Variants in CLVS1 observed in about 807,000 individuals in gnomAD.
CLVS1 encodes the protein clavesin 1, also known as clavesin-1.
In CLVS1, 10 loss-of-function variants were observed where a neutral mutation model predicts 33.1. That is an observed-to-expected ratio of 0.30 (90% confidence interval 0.19 to 0.51). The LOEUF (loss-of-function observed/expected upper bound fraction) is 0.51, where lower values mean the gene tolerates loss of function less well. Ranked by LOEUF, CLVS1 falls within the 20% of genes least tolerant of loss-of-function variation. The pLI is 0.97. For missense variants in CLVS1, 343 were observed against 433.4 expected (o/e 0.79, Z 1.85); for synonymous variants, 163 against 166.1 (o/e 0.98, Z 0.14).
intron 1 of CLVS1, among the ~76,000 whole-genome samples, chr8:61,096,065 A>G (rs1257321484): frequency 1.3e-5 from 2 of 152,254 alleles, no homozygotes; most frequent in African/African-American, 4.8e-5. Flanking sequence ...GACCTTGAGT[A>G]TAATCAATAG....
At chr8:61,015,908 G>A in the CLVS1 span, among the ~76,000 whole-genome samples, 2 of 152,168 alleles carry the variant, frequency 1.3e-5, no homozygotes, top group South Asian at 2.1e-4. Flanking sequence ...ACTGGCCTGA[G>A]TATGATTAGA....
At chr8:61,205,068 A>G (rs982100658) in intron 2 of CLVS1, among the ~76,000 whole-genome samples, 1 of 152,256 alleles carries the variant, frequency 6.6e-6, no homozygotes, top group Non-Finnish European at 1.5e-5. Flanking sequence ...ATACATCACA[A>G]GGGAATTCAT....
chr8:61,142,420 T>A (rs750805730), intron 2 of CLVS1, among the ~76,000 whole-genome samples: 1 of 152,196 alleles, frequency 6.6e-6, no homozygotes, highest in Non-Finnish European at 1.5e-5. Context: ...TAGTTCTTTA[T>A]AGCAATGTGA....
chr8:61,417,778 C>A (rs1260610435), intron 3 of CLVS1, among the ~76,000 whole-genome samples: 2 of 152,240 alleles, frequency 1.3e-5, no homozygotes, highest in East Asian at 1.9e-4. Context: ...GGTGCTGTGG[C>A]CTGAGAGCCA....
At chr8:61,336,116 T>C (rs1326714068) in intron 2 of CLVS1, among the ~76,000 whole-genome samples, 1 of 152,096 alleles carries the variant, frequency 6.6e-6, no homozygotes, top group African/African-American at 2.4e-5. Flanking sequence ...CTAACCTGGG[T>C]TGGGAAACTG....
intron 3 of CLVS1, among the ~76,000 whole-genome samples, chr8:61,445,665 G>T (rs1816734173): frequency 1.3e-5 from 2 of 152,096 alleles, no homozygotes; most frequent in Non-Finnish European, 2.9e-5. Flanking sequence ...TAAGACAAAG[G>T]TAATACTAGC....
chr8:61,156,283 C>A (rs1382498228), intron 2 of CLVS1, among the ~76,000 whole-genome samples: 3 of 151,028 alleles, frequency 2.0e-5, no homozygotes, highest in Admixed American at 2.0e-4. Flanking sequence ...TGGGTCTCCA[C>A]CTCCCCCGAG....
intron 3 of CLVS1, among the ~76,000 whole-genome samples, chr8:61,398,482 TAA>T (rs1193458973): frequency 1.3e-5 from 2 of 152,118 alleles, no homozygotes; most frequent in Admixed American, 6.6e-5. Flanking sequence ...ATGCCCAGCC[TAA>T]GTCTTGCATT....
At chr8:61,391,443 A>G (rs1814301535) in intron 3 of CLVS1, among the ~76,000 whole-genome samples, 1 of 152,212 alleles carries the variant, frequency 6.6e-6, no homozygotes, top group African/African-American at 2.4e-5. Context: ...AGCCAGACAC[A>G]GGGGTAGTTG....
chr8:61,471,603 G>T (rs1012776210), intron 5 of CLVS1, among the ~76,000 whole-genome samples: 1 of 152,136 alleles, frequency 6.6e-6, no homozygotes, highest in Admixed American at 6.5e-5. Context: ...GGCCAAGCAC[G>T]TTGGGAGCGG....
chr8:61,202,567 A>G, intron 2 of CLVS1: 1 of 1,238,742 alleles, frequency 8.1e-7, no homozygotes, highest in East Asian at 2.3e-5. Flanking sequence ...CAGCCCAATT[A>G]AAGTAACACT....
intron 1 of CLVS1, among the ~76,000 whole-genome samples, chr8:61,110,022 A>G (rs897128893): frequency 6.6e-6 from 1 of 152,210 alleles, no homozygotes; most frequent in Non-Finnish European, 1.5e-5. Flanking sequence ...CTAAGACATT[A>G]GCCTCACTTC....
intron 2 of CLVS1, among the ~76,000 whole-genome samples, chr8:61,359,053 T>A (rs2129599777): frequency 6.6e-6 from 1 of 152,350 alleles, no homozygotes. Flanking sequence ...TTCCTGAAAT[T>A]ATCTTGTTGA....
At chr8:61,035,858 G>A in the CLVS1 span, among the ~76,000 whole-genome samples, 1 of 152,062 alleles carries the variant, frequency 6.6e-6, no homozygotes, top group African/African-American at 2.4e-5. Context: ...CATACAAACT[G>A]GTTTAACTTG....
intron 2 of CLVS1, among the ~76,000 whole-genome samples, chr8:61,375,215 A>G (rs569717571): frequency 1.3e-5 from 2 of 151,354 alleles, no homozygotes; most frequent in Admixed American, 6.6e-5. Flanking sequence ...CTGAGTTTCT[A>G]CCAGGCATTT....
intron 2 of CLVS1, among the ~76,000 whole-genome samples, chr8:61,281,563 C>A (rs1248878477): frequency 6.6e-6 from 1 of 152,160 alleles, no homozygotes; most frequent in Non-Finnish European, 1.5e-5. Context: ...AGGCTTCTAA[C>A]CTCCAGAATT....
chr8:61,397,981 A>G (rs972194225), intron 3 of CLVS1, among the ~76,000 whole-genome samples: 1 of 152,096 alleles, frequency 6.6e-6, no homozygotes, highest in Non-Finnish European at 1.5e-5. Flanking sequence ...TGGGTTATCC[A>G]GCCCCTTGCA....
intron 2 of CLVS1, among the ~76,000 whole-genome samples, chr8:61,157,241 C>T (rs139535757): frequency 0.017 from 2,524 of 152,212 alleles, 29 homozygotes; most frequent in African/African-American, 0.024. Context: ...GCTAAGTCCA[C>T]ACATAGGCAA....
intron 2 of CLVS1, among the ~76,000 whole-genome samples, chr8:61,281,808 G>A (rs1376650544): frequency 4.6e-5 from 7 of 152,046 alleles, no homozygotes; most frequent in East Asian, 3.9e-4. Flanking sequence ...CTTCTGACTC[G>A]AGATCATTTT....
Sources: allele counts gnomAD v4.1 joint callset (sites outside exome capture counted in the v4.1 genomes callset), GRCh38; gene constraint gnomAD v4.1.1; transcripts MANE v1.5; gene names NCBI Gene and HGNC (gene_info 2026-07-23, HGNC 2026-07-21).